Variants in KCNIP4 observed in about 807,000 individuals in gnomAD.
KCNIP4 encodes the protein potassium voltage-gated channel interacting protein 4.
A neutral mutation model predicts 34.0 loss-of-function variants in KCNIP4; 12 were observed. The ratio of observed to expected loss-of-function variants is 0.35; its 90% CI spans 0.23 to 0.57. KCNIP4 has a LOEUF of 0.57. Ranked by LOEUF, KCNIP4 falls within the 20% of genes least tolerant of loss-of-function variation. The pLI is 0.83. For synonymous variants in KCNIP4, 124 were observed against 102.2 expected, an observed-to-expected ratio of 1.21 and a Z score of -1.29; for missense variants, 238 against 311.7, an observed-to-expected ratio of 0.76 and a Z score of 1.78.
At chr4:21,426,674 C>T (rs903931360) in intron 1 of KCNIP4, among the ~76,000 whole-genome samples, 5 of 151,744 alleles carry the variant, frequency 3.3e-5, no homozygotes, top group African/African-American at 1.2e-4. Context: ...TTTAAGGGAA[C>T]AGTCAGAGTT....
At chr4:21,684,985 A>G (rs1386714433) in intron 1 of KCNIP4, among the ~76,000 whole-genome samples, 1 of 152,226 alleles carries the variant, frequency 6.6e-6, no homozygotes, top group Non-Finnish European at 1.5e-5. Flanking sequence ...CATATTGCAC[A>G]TATTTGTATA....
rs561516173 is a variant in KCNIP4, at chr4:21,924,524, G to A, written c.61+24047C>T. Among the ~76,000 whole-genome samples, 17 of 152,124 alleles carry A rather than the reference G, an allele frequency of 1.1e-4. 1 individual carries two copies. The South Asian group carries it at 3.5e-3, about 32-fold the overall frequency. On this transcript the variant is annotated intron_variant, in intron 1 of 8. Transcript: ENST00000382152. ...CTCCCAAAGTGCTGGGATTACAGGT[G>A]TGAGCCACCGCGCCTGGACAATATA...
intron 1 of KCNIP4, among the ~76,000 whole-genome samples, chr4:21,400,578 C>CTTT (rs1491290545): frequency 1.3e-5 from 1 of 78,902 alleles, no homozygotes; most frequent in Non-Finnish European, 3.0e-5. Flanking sequence ...CTCTTCTCTT[C>CTTT]GTTCTTTCTT....
intron 1 of KCNIP4, among the ~76,000 whole-genome samples, chr4:21,837,861 C>T (rs1533275): frequency 0.84 from 128,402 of 152,022 alleles, 54,620 homozygotes; most frequent in East Asian, 0.9. Flanking sequence ...CTTAGAAATT[C>T]CATCAATATT....
intron 1 of KCNIP4, among the ~76,000 whole-genome samples, chr4:21,867,289 C>T (rs1725490719): frequency 6.6e-6 from 1 of 152,086 alleles, no homozygotes; most frequent in Non-Finnish European, 1.5e-5. Flanking sequence ...TTAAGTAAAT[C>T]ACCCAATGTA....
chr4:21,607,621 C>CCTTG (rs1219238979), intron 1 of KCNIP4, among the ~76,000 whole-genome samples: 1 of 151,854 alleles, frequency 6.6e-6, no homozygotes, highest in Non-Finnish European at 1.5e-5. Flanking sequence ...CTCCGGGAAT[C>CCTTG]CTTGCATGGG....
chr4:20,770,083 CTATT>C (rs1377240169), intron 3 of KCNIP4, among the ~76,000 whole-genome samples: 3 of 152,110 alleles, frequency 2.0e-5, no homozygotes, highest in Non-Finnish European at 4.4e-5. Flanking sequence ...ATTTAGATAT[CTATT>C]AATACCTCCC....
chr4:21,446,815 A>G (rs925582606), intron 1 of KCNIP4, among the ~76,000 whole-genome samples: 4 of 152,160 alleles, frequency 2.6e-5, no homozygotes, highest in African/African-American at 7.2e-5. Flanking sequence ...TTCACTTAGC[A>G]TATTGCATTT....
At position 21,130,106 on chromosome 4, in the gene KCNIP4, CT is replaced by C. The variant is rs144149944; in HGVS notation, c.62-247398del. ...TCCATTCCCTGATTTTTTACTGTTCCTTTTTTTTTTAATCCTTCTATATCCT... is the reference window on the plus strand; with the variant it reads ...TCCATTCCCTGATTTTTTACTGTTCCTTTTTTTTTAATCCTTCTATATCCT... On this transcript the variant is annotated intron_variant, in intron 1 of 8. Coordinates refer to ENST00000382152, the MANE Select transcript of KCNIP4 (RefSeq NM_025221.6). 2.1e-3 allele frequency among the ~76,000 whole-genome samples: 317 copies of C among 148,008 alleles called. 9 individuals carry two copies. In the East Asian group the frequency reaches 0.05, roughly 23 times the overall value.
At chr4:20,751,507 CGA>C (rs947155639) in intron 4 of KCNIP4, among the ~76,000 whole-genome samples, 21 of 151,332 alleles carry the variant, frequency 1.4e-4, no homozygotes, top group Non-Finnish European at 2.5e-4. Context: ...GTGAATTGAT[CGA>C]TGGTGTGTTG....
At chr4:21,709,039 G>C (rs1398148635) in intron 1 of KCNIP4, among the ~76,000 whole-genome samples, 1 of 151,900 alleles carries the variant, frequency 6.6e-6, no homozygotes, top group South Asian at 2.1e-4. Flanking sequence ...ATAAATATGA[G>C]TAAGCTGAAC....
intron 1 of KCNIP4, among the ~76,000 whole-genome samples, chr4:21,104,495 C>T (rs1046594287): frequency 1.6e-4 from 24 of 152,000 alleles, no homozygotes; most frequent in Non-Finnish European, 2.4e-4. Context: ...TGGATATTAG[C>T]CCTTTGTCAG....
intron 1 of KCNIP4, among the ~76,000 whole-genome samples, chr4:21,803,948 TCAAA>T (rs2109257619): frequency 6.6e-6 from 1 of 152,252 alleles, no homozygotes; most frequent in African/African-American, 2.4e-5. Context: ...AGATCAGCAG[TCAAA>T]CAAAGCCAGG....
At chr4:21,467,123 A>T (rs1469759375) in intron 1 of KCNIP4, among the ~76,000 whole-genome samples, 1 of 142,078 alleles carries the variant, frequency 7.0e-6, no homozygotes, top group East Asian at 2.1e-4. Context: ...CACACAAAAC[A>T]GAACATAATA....
At chr4:21,533,470 C>T (rs754862108) in intron 1 of KCNIP4, among the ~76,000 whole-genome samples, 17 of 151,976 alleles carry the variant, frequency 1.1e-4, no homozygotes, top group East Asian at 1.9e-4. Flanking sequence ...GCCTGAAGAC[C>T]GGATGAATTA....
intron 1 of KCNIP4, among the ~76,000 whole-genome samples, chr4:21,211,957 G>A (rs1757250959): frequency 6.6e-6 from 1 of 151,976 alleles, no homozygotes; most frequent in South Asian, 2.1e-4. Flanking sequence ...CCACTTCAGG[G>A]AGGAGCCAAC....
intron 1 of KCNIP4, among the ~76,000 whole-genome samples, chr4:21,217,975 T>A (rs951181134): frequency 2.1e-5 from 3 of 140,650 alleles, no homozygotes; most frequent in African/African-American, 8.2e-5. Flanking sequence ...TTGGTCACCA[T>A]CCCCCTGTAT....
intron 1 of KCNIP4, among the ~76,000 whole-genome samples, chr4:21,341,669 A>C (rs540744698): frequency 6.6e-6 from 1 of 152,280 alleles, no homozygotes; most frequent in African/African-American, 2.4e-5. Context: ...CACTTAAATT[A>C]AATCATAATA....
At chr4:21,043,997 A>T (rs1318217057) in intron 1 of KCNIP4, among the ~76,000 whole-genome samples, 1 of 152,144 alleles carries the variant, frequency 6.6e-6, no homozygotes, top group East Asian at 1.9e-4. Flanking sequence ...ATGGGATTAC[A>T]GCCCATGTCA....
Sources: allele counts gnomAD v4.1 joint callset (sites outside exome capture counted in the v4.1 genomes callset), GRCh38; gene constraint gnomAD v4.1.1; transcripts MANE v1.5; gene names NCBI Gene and HGNC (gene_info 2026-07-23, HGNC 2026-07-21).